ANTXRL: variants seen among roughly 807,000 people sequenced by gnomAD.
ANTXRL encodes the protein anthrax toxin receptor-like.
Under a neutral mutation model 75.4 loss-of-function variants are expected in ANTXRL, and 63 were observed. That is an observed-to-expected ratio of 0.84 (90% CI 0.68 to 1.03). The LOEUF (loss-of-function observed/expected upper bound fraction) is 1.03, where lower values mean the gene tolerates loss of function less well. ANTXRL is among the 50% of genes least tolerant of loss of function. The pLI is 0.00. For missense variants in ANTXRL, 797 were observed against 789.4 expected (o/e 1.01, Z -0.12); for synonymous variants, 335 against 291.3 (o/e 1.15, Z -1.53).
Position 46,306,786 on chromosome 10 carries a change from A to G in ANTXRL, c.896-17A>G. 6.6e-7 allele frequency: 1 copy of G among 1,518,420 alleles called. No homozygotes were observed. The highest frequency in any genetic ancestry group is 8.8e-7 in the Non-Finnish European group (1 of 1,137,698). The allele number at this position is 1,518,420 out of a possible 1,614,324, so 94.1% of individuals were successfully genotyped here. ...AGACAGGTGCACTGACATTCTTCTC[A>G]TGTCATTTTCTTTTAGATGAAAAGC... On this transcript the variant is annotated splice_polypyrimidine_tract_variant and intron_variant, in intron 10 of 16. Transcript: ENST00000620264.
intron 9 of ANTXRL, among the ~76,000 whole-genome samples, chr10:46,299,548 G>A (rs1425797943): frequency 6.6e-6 from 1 of 152,120 alleles, no homozygotes; most frequent in Non-Finnish European, 1.5e-5. Flanking sequence ...TTCATCACGA[G>A]AGGACATTAC....
intron 2 of ANTXRL, among the ~76,000 whole-genome samples, chr10:46,293,528 T>G (rs1305517610): frequency 6.9e-6 from 1 of 145,572 alleles, no homozygotes; most frequent in Admixed American, 7.0e-5. Flanking sequence ...TGTGCCTCTG[T>G]GTGTGCATGT....
At chr10:46,300,132 A>C (rs1554960132) in intron 9 of ANTXRL, among the ~76,000 whole-genome samples, 1 of 152,170 alleles carries the variant, frequency 6.6e-6, no homozygotes, top group Non-Finnish European at 1.5e-5. Context: ...TCGAGGTGGC[A>C]GGTGCCCTCT....
At chr10:46,301,324 G>A (rs549234540) in intron 9 of ANTXRL, among the ~76,000 whole-genome samples, 40 of 152,342 alleles carry the variant, frequency 2.6e-4, no homozygotes, top group African/African-American at 9.4e-4. Flanking sequence ...GCCCTGAGGG[G>A]CCCATGTCTA....
intron 10 of ANTXRL, among the ~76,000 whole-genome samples, chr10:46,305,110 C>T (rs782712677): frequency 3.3e-5 from 5 of 152,154 alleles, no homozygotes; most frequent in Admixed American, 6.5e-5. Flanking sequence ...AAGAGATCCC[C>T]GGAACATGTC....
In ANTXRL at chr10:46,330,094, C is replaced by A; in HGVS notation, c.*10C>A. The A allele has an allele frequency of 1.3e-6, 2 of 1,496,510 alleles. No individual in the cohort carries two copies. The highest frequency in any genetic ancestry group is 1.3e-5 in the South Asian group (1 of 77,490). The allele number at this position is 1,496,510 out of a possible 1,614,324, so 92.7% of individuals were successfully genotyped here. Reference sequence around the variant, plus strand: ...AGAGCCCAACTTCTAAGGCACCAAACACCCAAGATTAACAGGCTTTTGTTG... The same window carrying A: ...AGAGCCCAACTTCTAAGGCACCAAAAACCCAAGATTAACAGGCTTTTGTTG... On this transcript the variant is annotated 3_prime_UTR_variant, in exon 17 of 17. Coordinates refer to ENST00000620264, the MANE Select transcript of ANTXRL (RefSeq NM_001278688.3).
At position 46,292,437 on chromosome 10, in the gene ANTXRL, C is replaced by T. The variant is rs373275332; in HGVS notation, c.320+308C>T. Among the ~76,000 whole-genome samples, 3 of 152,146 alleles carry T rather than the reference C, an allele frequency of 2.0e-5. No individual in the cohort carries two copies. In the East Asian group the frequency reaches 5.8e-4, roughly 29 times the overall value. ...AACCAGTGACTCAGTCCTGGAACTCCGAGTTGCTGAGGGTTCAAGTAGGGG... is the reference window on the plus strand; with the variant it reads ...AACCAGTGACTCAGTCCTGGAACTCTGAGTTGCTGAGGGTTCAAGTAGGGG... On this transcript the variant is annotated intron_variant, in intron 2 of 16. Coordinates refer to ENST00000620264, the MANE Select transcript of ANTXRL (RefSeq NM_001278688.3).
chr10:46,291,205 G>A (rs1836967788), intron 1 of ANTXRL, among the ~76,000 whole-genome samples: 1 of 152,128 alleles, frequency 6.6e-6, no homozygotes, highest in South Asian at 2.1e-4. Flanking sequence ...CACACTGAGT[G>A]TTCTTAGCAC....
upstream of ANTXRL, among the ~76,000 whole-genome samples, chr10:46,286,782 T>C (rs1243099679): frequency 4.6e-5 from 7 of 152,072 alleles, no homozygotes; most frequent in Admixed American, 3.9e-4. Context: ...CCCACAGCAA[T>C]GTCCTCACCT....
intron 16 of ANTXRL, among the ~76,000 whole-genome samples, chr10:46,316,114 C>G (rs1273490370): frequency 6.6e-6 from 1 of 152,138 alleles, no homozygotes; most frequent in African/African-American, 2.4e-5. Context: ...ATCACTCGAT[C>G]CATCAGGAAA....
At chr10:46,313,114 G>T (rs1218454480) in intron 15 of ANTXRL, 122 bp from the exon 16 acceptor site, 3 of 886,760 alleles carry the variant, frequency 3.4e-6, no homozygotes, top group Non-Finnish European at 3.6e-6. Flanking sequence ...CCCCAGAGGG[G>T]GATGGGAGCT....
At chr10:46,307,661 T>C (rs1161793536) in intron 12 of ANTXRL, among the ~76,000 whole-genome samples, 181 bp downstream of exon 12, 1 of 152,166 alleles carries the variant, frequency 6.6e-6, no homozygotes, top group East Asian at 1.9e-4. Context: ...TGGGAGGCTG[T>C]CTGCCAGGAG....
At chr10:46,289,555 TG>T (rs1302128104) in intron 1 of ANTXRL, among the ~76,000 whole-genome samples, 2 of 152,100 alleles carry the variant, frequency 1.3e-5, no homozygotes, top group African/African-American at 4.8e-5. Flanking sequence ...TGCAAAATCC[TG>T]TCCATACAAA....
chr10:46,327,954 C>T (rs1385916618), intron 16 of ANTXRL, among the ~76,000 whole-genome samples: 5 of 152,262 alleles, frequency 3.3e-5, no homozygotes, highest in African/African-American at 9.6e-5. Flanking sequence ...ATGGGGAGGT[C>T]GAGGCAAAGT....
chr10:46,321,897 T>G (rs1838994786), intron 16 of ANTXRL, among the ~76,000 whole-genome samples: 1 of 152,098 alleles, frequency 6.6e-6, no homozygotes, highest in South Asian at 2.1e-4. Context: ...TCAGTTAACT[T>G]TGTCAATTTG....
chr10:46,291,490 TAC>T (rs1209704633), intron 1 of ANTXRL, among the ~76,000 whole-genome samples: 1 of 152,100 alleles, frequency 6.6e-6, no homozygotes, highest in African/African-American at 2.4e-5. Flanking sequence ...GAGATTTTGA[TAC>T]AGATTACATT....
intron 1 of ANTXRL, among the ~76,000 whole-genome samples, chr10:46,288,059 T>C (rs375535833): frequency 6.6e-6 from 1 of 151,872 alleles, no homozygotes. Context: ...TCAGAACAGT[T>C]TGGTCTGTTT....
At position 46,292,057 on chromosome 10, in the gene ANTXRL, G is replaced by C; in HGVS notation, c.249-1G>C. The stretch of plus-strand genomic sequence containing the variant: ...CTGACCCACATCTCCTTTTGTTTTA[G>C]GTCTGGCAGCGTGAACAATAACTGG... On this transcript the variant is annotated splice_acceptor_variant, in intron 1 of 16. Coordinates refer to ENST00000620264, the MANE Select transcript of ANTXRL (RefSeq NM_001278688.3). LOFTEE classifies it high-confidence loss of function. 1 of 1,536,204 alleles carries C rather than the reference G, an allele frequency of 6.5e-7. No individual in the cohort carries two copies. The highest frequency in any genetic ancestry group is 8.7e-7 in the Non-Finnish European group (1 of 1,146,756).
intron 2 of ANTXRL, among the ~76,000 whole-genome samples, chr10:46,293,359 CATGTGAGT>C (rs1837131786): frequency 8.3e-6 from 1 of 120,352 alleles, no homozygotes; most frequent in African/African-American, 3.4e-5. Flanking sequence ...CATGTGTGTG[CATGTGAGT>C]GTGCCTGTGT....
Sources: gnomAD v4.1 joint callset for allele counts (sites outside exome capture counted in the v4.1 genomes callset) on GRCh38, gnomAD v4.1.1 for gene constraint, MANE v1.5 for transcripts, NCBI Gene and HGNC (gene_info 2026-07-23, HGNC 2026-07-21) for gene names.